MLLT1: variants seen among roughly 807,000 people sequenced by gnomAD.
MLLT1 encodes protein ENL.
A neutral mutation model predicts 55.1 loss-of-function variants in MLLT1; 11 were observed. The ratio of observed to expected loss-of-function variants is 0.20; its 90% confidence interval spans 0.13 to 0.33. The LOEUF is 0.33. MLLT1 is among the 10% of genes least tolerant of loss of function. The pLI is 1.00. For synonymous variants in MLLT1, 323 were observed against 320.1 expected (o/e 1.01, Z -0.10); for missense variants, 536 against 760.6 (o/e 0.70, Z 3.47).
In MLLT1 at chr19:6,227,353, C is replaced by A. The variant is rs531211969; in HGVS notation, c.421-251G>T. 6.6e-6 allele frequency among the ~76,000 whole-genome samples: 1 copy of A among 152,328 alleles called. No homozygotes were observed. The highest frequency in any genetic ancestry group is 2.1e-4 in the South Asian group (1 of 4,828). On this transcript the variant is annotated intron_variant, in intron 4 of 11. Transcript: ENST00000252674. This position sits in a 1 kb window ranked among gnomAD's most constrained non-coding sequence, Gnocchi z 5.1. ...CTGGGACCAGGTGGGGCCACGCGGC[C>A]TTCCGGGAACAGTGGACCGGAGGGC...
chr19:6,245,057 G>C (rs1039727488), intron 3 of MLLT1, among the ~76,000 whole-genome samples: 2 of 152,082 alleles, frequency 1.3e-5, no homozygotes, highest in Non-Finnish European at 2.9e-5. Flanking sequence ...AATAAAGAAC[G>C]GGGCCAGGTG....
In MLLT1 at chr19:6,213,182, T is replaced by C; in HGVS notation, c.1552-12A>G. ...ATCAGATTCACAATCTGTAAGGTGG[T>C]GGCAGGTGGCTTCAGGGGCAGGGGG... On this transcript the variant is annotated splice_polypyrimidine_tract_variant and intron_variant, in intron 11 of 11. Transcript: ENST00000252674. 6.2e-7 allele frequency: 1 copy of C among 1,613,696 alleles called. No individual in the cohort carries two copies. Among genetic ancestry groups the C allele is most frequent in the Non-Finnish European group, 8.5e-7 (1 of 1,179,772 alleles).
rs984051551 is a variant in MLLT1, at chr19:6,217,978, C to G, written c.1174G>C (p.Glu392Gln). The G allele has an allele frequency of 1.2e-6, 2 of 1,606,472 alleles. No individual in the cohort carries two copies. Among genetic ancestry groups the G allele is most frequent in the South Asian group, 1.1e-5 (1 of 90,418 alleles). ...SSDSSSDSDF[E>Q]PSQNHSQGPL... ...CCTTGGCTGTGGTTCTGGGATGGCT[C>G]GAAGTCTGAGTCTGAGCTGGAGTCT... The change falls in exon 7 of 12, where the codon GAG becomes CAG. Residue 392 changes from glutamate (E) to glutamine (Q), a missense_variant. This residue lies in a region of MLLT1 where 449 missense variants were observed against 489.0 expected (regional missense o/e 0.92). Coordinates refer to ENST00000252674, the MANE Select transcript of MLLT1 (RefSeq NM_005934.4).
At position 6,240,657 on chromosome 19, in the gene MLLT1, G is replaced by T. The variant is rs1182748927; in HGVS notation, c.277-9944C>A. On this transcript the variant is annotated intron_variant, in intron 3 of 11. Coordinates refer to ENST00000252674, the MANE Select transcript of MLLT1 (RefSeq NM_005934.4). This position sits in a 1 kb window ranked among gnomAD's most constrained non-coding sequence, Gnocchi z 4.7. ...CCCTACAGCTCTCAGATTCAAAAGCGCTGTGGGGGTGATGTCAGACGCACA... is the reference window on the plus strand; with the variant it reads ...CCCTACAGCTCTCAGATTCAAAAGCTCTGTGGGGGTGATGTCAGACGCACA... Among the ~76,000 whole-genome samples the T allele has an allele frequency of 1.3e-5, 2 of 152,126 alleles. No homozygotes were observed. The highest frequency in any genetic ancestry group is 3.9e-4 in the East Asian group (2 of 5,192).
rs761845433 is a variant in MLLT1, at chr19:6,216,458, G to C, written c.1254C>G (p.Asp418Glu). ...DLQSEESDED[D>E]SSSGEEAAGK... ...CGGCAGCCTCCTCGCCTGACGAAGA[G>C]TCGTCCTCGTCGGACTCCTCGGACT... Residue 418 changes from aspartate to glutamate, a missense_variant, in exon 8 of 12, where the codon GAC becomes GAG. Physicochemically the swap from Asp to Glu is conservative, Grantham distance 45. This residue lies in a region of MLLT1 where 449 missense variants were observed against 489.0 expected (regional missense o/e 0.92). Coordinates refer to ENST00000252674, the MANE Select transcript of MLLT1 (RefSeq NM_005934.4). 10 of 1,609,282 alleles carry C rather than the reference G, an allele frequency of 6.2e-6. No individual in the cohort carries two copies. In the Middle Eastern group the frequency reaches 5.3e-4, roughly 85 times the overall value.
At position 6,256,615 on chromosome 19, in the gene MLLT1, G is replaced by A. The variant is rs1439121805; in HGVS notation, c.276+5613C>T. Among the ~76,000 whole-genome samples, 1 of 151,876 alleles carries A rather than the reference G, an allele frequency of 6.6e-6. No homozygotes were observed. The highest frequency in any genetic ancestry group is 1.5e-5 in the Non-Finnish European group (1 of 67,968). ...TACAAATACAAAAAATTAGCCAGGC[G>A]TGGTGGCGGGCACCTGTAGTCCCAG... On this transcript the variant is annotated intron_variant, in intron 3 of 11. Transcript: ENST00000252674. The surrounding 1 kb of genome is among the most constrained non-coding windows in gnomAD (Gnocchi z 4.1).
At chr19:6,272,584 C>T (rs2091404150) in intron 1 of MLLT1, among the ~76,000 whole-genome samples, 1 of 152,238 alleles carries the variant, frequency 6.6e-6, no homozygotes, top group Non-Finnish European at 1.5e-5. Context: ...CATCCCATCC[C>T]CCGCTCCTGG....
intron 2 of MLLT1, among the ~76,000 whole-genome samples, chr19:6,268,849 A>T (rs533203934): frequency 6.6e-6 from 1 of 152,320 alleles, no homozygotes; most frequent in Admixed American, 6.5e-5. Context: ...AAAACAAAAC[A>T]AAAAACTAAA....
rs1164937803 is a variant in MLLT1, at chr19:6,273,775, C to A, written c.13-3016G>T. ...TGCTTCTGTGGAGCTGACTCCCACA[C>A]AATGACAGTGTCTCCTCGGAATCGC... On this transcript the variant is annotated intron_variant, in intron 1 of 11. Transcript: ENST00000252674. The surrounding 1 kb of genome is among the most constrained non-coding windows in gnomAD (Gnocchi z 4.3). Among the ~76,000 whole-genome samples the A allele has an allele frequency of 6.6e-6, 1 of 152,262 alleles. No individual in the cohort carries two copies. The highest frequency in any genetic ancestry group is 1.5e-5 in the Non-Finnish European group (1 of 68,054).
At chr19:6,267,635 A>G (rs1324063233) in intron 2 of MLLT1, among the ~76,000 whole-genome samples, 1 of 152,208 alleles carries the variant, frequency 6.6e-6, no homozygotes, top group African/African-American at 2.4e-5. Context: ...CCCAGAGTTC[A>G]GGACATGGGA....
At chr19:6,234,141 G>A (rs539773526) in intron 3 of MLLT1, among the ~76,000 whole-genome samples, 4 of 152,354 alleles carry the variant, frequency 2.6e-5, no homozygotes, top group South Asian at 4.1e-4. Context: ...AGAGGTGGAC[G>A]GGTGCCCAGG....
chr19:6,241,936 G>A (rs2091117023), intron 3 of MLLT1, among the ~76,000 whole-genome samples: 2 of 152,198 alleles, frequency 1.3e-5, no homozygotes. Flanking sequence ...GATTGTCCCT[G>A]GCGGAGCGCT....
Position 6,240,207 on chromosome 19 carries a change from G to T in MLLT1, c.277-9494C>A, listed in dbSNP as rs1013333088. ...TGACCGCTCAGCCTGGGAGGCCAGG[G>T]AGACCCCAGAGGCCCCGCCCCCTCC... is the stretch of plus-strand genomic sequence containing the variant. On this transcript the variant is annotated intron_variant, in intron 3 of 11. Transcript: ENST00000252674. The surrounding 1 kb of genome is among the most constrained non-coding windows in gnomAD (Gnocchi z 4.7). 1.3e-5 allele frequency among the ~76,000 whole-genome samples: 2 copies of T among 152,250 alleles called. No homozygotes were observed. The highest frequency in any genetic ancestry group is 2.9e-5 in the Non-Finnish European group (2 of 68,048).
At chr19:6,244,117 C>T (rs917930343) in intron 3 of MLLT1, among the ~76,000 whole-genome samples, 4 of 151,544 alleles carry the variant, frequency 2.6e-5, no homozygotes, top group Admixed American at 6.6e-5. Flanking sequence ...CTAACTGGGT[C>T]CCCGTGACAC....
In MLLT1 at chr19:6,231,217, C is replaced by G. The variant is rs528769702; in HGVS notation, c.277-504G>C. On this transcript the variant is annotated intron_variant, in intron 3 of 11. Transcript: ENST00000252674. The surrounding 1 kb of genome is among the most constrained non-coding windows in gnomAD (Gnocchi z 5.1). ...GGGGCAAAAGTACAAGGTCACGACC[C>G]AGTTTCCAGGAGGCTCTGTCCACTT... is the stretch of plus-strand genomic sequence containing the variant. Among the ~76,000 whole-genome samples the G allele has an allele frequency of 2.6e-5, 4 of 152,230 alleles. No individual in the cohort carries two copies. Among genetic ancestry groups the G allele is most frequent in the African/African-American group, 9.6e-5 (4 of 41,462 alleles).
rs1033744266 is a variant in MLLT1 at position 6,212,799 on chromosome 19, G to C, written c.*243C>G. On this transcript the variant is annotated 3_prime_UTR_variant, in exon 12 of 12. Transcript: ENST00000252674. ...GCCTTCAACACCAGCCGCTCTCTGA[G>C]GGGAGCCCAGAGAGCCCGGGGGGCG... 1.7e-5 allele frequency: 16 copies of C among 936,028 alleles called. No homozygotes were observed. The highest frequency in any genetic ancestry group is 3.8e-5 in the Admixed American group (1 of 26,062). The allele number at this position is 936,028 out of a possible 1,614,324, so 58.0% of individuals were successfully genotyped here.
chr19:6,229,174 G>T lies in MLLT1; in HGVS notation c.420+1396C>A, dbSNP rs1247402872. On this transcript the variant is annotated intron_variant, in intron 4 of 11. Transcript: ENST00000252674. The surrounding 1 kb of genome is among the most constrained non-coding windows in gnomAD (Gnocchi z 5.2). Reference sequence around the variant, plus strand: ...ACTGCAAACGTGGTGAAAACACCTGGCCATGAAAGAAGGTGGAAAAGCGGA... The same window carrying T: ...ACTGCAAACGTGGTGAAAACACCTGTCCATGAAAGAAGGTGGAAAAGCGGA... 6.6e-6 allele frequency among the ~76,000 whole-genome samples: 1 copy of T among 152,058 alleles called. No individual in the cohort carries two copies. Among genetic ancestry groups the T allele is most frequent in the African/African-American group, 2.4e-5 (1 of 41,406 alleles).
rs543434355 is a variant in MLLT1 at position 6,231,107 on chromosome 19, T to C, written c.277-394A>G. On this transcript the variant is annotated intron_variant, in intron 3 of 11. Coordinates refer to ENST00000252674, the MANE Select transcript of MLLT1 (RefSeq NM_005934.4). This position sits in a 1 kb window ranked among gnomAD's most constrained non-coding sequence, Gnocchi z 5.1. ...GAGGCCCACAATCTCACCACCTCTA[T>C]TCCCCACTTCCTTTGCAGCCAGGGC... 4.6e-5 allele frequency among the ~76,000 whole-genome samples: 7 copies of C among 152,260 alleles called. No homozygotes were observed. The highest frequency in any genetic ancestry group is 1.4e-4 in the African/African-American group (6 of 41,556).
chr19:6,222,436 G>A lies in MLLT1; in HGVS notation c.795C>T (p.Ser265=), dbSNP rs908990809. The change falls in exon 6 of 12, where the codon AGC becomes AGT. Residue 265 remains serine, a synonymous_variant. Transcript: ENST00000252674. The surrounding 1 kb of genome is among the most constrained non-coding windows in gnomAD (Gnocchi z 4.1). ...GTGGGGGCCCACCCTTGGGGGACGT[G>A]CTTTCCAGCTTGGTCTCTTTCAGGG... is the stretch of plus-strand genomic sequence containing the variant. ...KMALKETKLE[S]TSPKGGPPPP... is the part of the protein sequence containing the mutation. 5 of 1,550,796 alleles carry A rather than the reference G, an allele frequency of 3.2e-6. No homozygotes were observed. Among genetic ancestry groups the A allele is most frequent in the East Asian group, 2.3e-5 (1 of 43,762 alleles).
Sources: allele counts gnomAD v4.1 joint callset (sites outside exome capture counted in the v4.1 genomes callset), GRCh38; gene constraint gnomAD v4.1.1; regional missense constraint gnomAD v4.1.1; non-coding constraint Gnocchi (gnomAD v3.1); transcripts MANE v1.5; gene names NCBI Gene and HGNC (gene_info 2026-07-23, HGNC 2026-07-21).